JPH3: variants seen among roughly 807,000 people sequenced by gnomAD.
The protein encoded by JPH3 is junctophilin-3.
A neutral mutation model predicts 59.6 loss-of-function variants in JPH3; 11 were observed. The ratio of observed to expected loss-of-function variants is 0.18; its 90% CI spans 0.12 to 0.31. The LOEUF (loss-of-function observed/expected upper bound fraction) is 0.31, where lower values mean the gene tolerates loss of function less well. JPH3 is among the 10% of genes least tolerant of loss of function. The pLI is 1.00. For missense variants in JPH3, 1,202 were observed against 1,105.7 expected, an observed-to-expected ratio of 1.09 and a Z score of -1.24; for synonymous variants, 673 against 483.6, an observed-to-expected ratio of 1.39 and a Z score of -5.14.
Position 87,644,278 on chromosome 16 carries a change from G to T in JPH3, c.403G>T (p.Val135Phe). The T allele has an allele frequency of 6.2e-7, 1 of 1,610,218 alleles. No homozygotes were observed. Among genetic ancestry groups the T allele is most frequent in the Non-Finnish European group, 8.5e-7 (1 of 1,178,560 alleles). The change falls in exon 2 of 5, where the codon GTC becomes TTC. Residue 135 changes from valine (V) to phenylalanine (F), a missense_variant. Val to Phe is a conservative substitution (Grantham distance 50, BLOSUM62 -1). Coordinates refer to ENST00000284262, the MANE Select transcript of JPH3 (RefSeq NM_020655.4). ...SDGGTYQGQW[V>F]GGMRQGYGVR... ...CCCAGGGACCTACCAGGGCCAGTGG[G>T]TCGGTGGCATGCGCCAGGGCTACGG...
chr16:87,647,745 G>A (rs974321203), intron 2 of JPH3, among the ~76,000 whole-genome samples: 5 of 152,196 alleles, frequency 3.3e-5, no homozygotes, highest in Non-Finnish European at 5.9e-5. Flanking sequence ...CAGCCAGCAC[G>A]TCCATGCGCA....
At chr16:87,661,011 T>C (rs962012311) in intron 2 of JPH3, among the ~76,000 whole-genome samples, 4 of 152,248 alleles carry the variant, frequency 2.6e-5, no homozygotes, top group Admixed American at 2.0e-4. Context: ...AATATTTGTA[T>C]GCACATAATG....
At chr16:87,606,113 C>CGCCAGAATGGG (rs1252388794) in intron 1 of JPH3, among the ~76,000 whole-genome samples, 1 of 152,182 alleles carries the variant, frequency 6.6e-6, no homozygotes, top group Non-Finnish European at 1.5e-5. Context: ...GTGTGGGGAT[C>CGCCAGAATGGG]GCCAGAATGG....
At position 87,644,390 on chromosome 16, in the gene JPH3, C is replaced by G. The variant is rs746009338; in HGVS notation, c.515C>G (p.Thr172Ser). ...TSINSLRSEH[T>S]NGTALHPDAS... is the part of the protein sequence containing the mutation. ...ATCAACTCCCTGCGCAGCGAGCACA[C>G]CAACGGCACGGCGCTGCATCCCGAC... Residue 172 changes from threonine (T) to serine (S), a missense_variant, in exon 2 of 5, where the codon ACC becomes AGC. Coordinates refer to ENST00000284262, the MANE Select transcript of JPH3 (RefSeq NM_020655.4). 2.5e-6 allele frequency: 4 copies of G among 1,612,784 alleles called. No individual in the cohort carries two copies. The highest frequency in any genetic ancestry group is 3.4e-6 in the Non-Finnish European group (4 of 1,179,832).
At chr16:87,687,046 CG>C (rs2033436249) in intron 3 of JPH3, among the ~76,000 whole-genome samples, 1 of 152,192 alleles carries the variant, frequency 6.6e-6, no homozygotes, top group African/African-American at 2.4e-5. Flanking sequence ...GCGTTGGGAC[CG>C]TGTGTTTTTT....
At position 87,616,190 on chromosome 16, in the gene JPH3, TTGTGTGTGTGTGTGTG is replaced by T. The variant is rs56053716; in HGVS notation, c.382+12694_382+12709del. Among the ~76,000 whole-genome samples the T allele has an allele frequency of 2.2e-4, 25 of 116,018 alleles. 1 individual carries two copies. Among genetic ancestry groups the T allele is most frequent in the South Asian group, 3.1e-4 (1 of 3,248 alleles). 76.1% of individuals were successfully genotyped at this position (116,018 alleles called of 152,430 possible). ...AGCAGAACAGCAACGCAATCTGGTT[TTGTGTGTGTGTGTGTG>T]TGTGTGTGTGTGTGTGTGTGTGTGT... is the stretch of plus-strand genomic sequence containing the variant. On this transcript the variant is annotated intron_variant, in intron 1 of 4. Coordinates refer to ENST00000284262, the MANE Select transcript of JPH3 (RefSeq NM_020655.4).
At position 87,611,313 on chromosome 16, in the gene JPH3, C is replaced by A. The variant is rs2030724457; in HGVS notation, c.382+7785C>A. ...AGGGGCAGGGCAGGTGTGTGTGTCCCTGAAGGAGCGGCAGAGGCTTCTGGG... is the reference window on the plus strand; with the variant it reads ...AGGGGCAGGGCAGGTGTGTGTGTCCATGAAGGAGCGGCAGAGGCTTCTGGG... On this transcript the variant is annotated intron_variant, in intron 1 of 4. Coordinates refer to ENST00000284262, the MANE Select transcript of JPH3 (RefSeq NM_020655.4). The surrounding 1 kb of genome is among the most constrained non-coding windows in gnomAD (Gnocchi z 4.5). Among the ~76,000 whole-genome samples, 2 of 152,134 alleles carry A rather than the reference C, an allele frequency of 1.3e-5. No individual in the cohort carries two copies. The highest frequency in any genetic ancestry group is 4.2e-4 in the South Asian group (2 of 4,816).
intron 2 of JPH3, among the ~76,000 whole-genome samples, chr16:87,650,179 C>T (rs1177841378): frequency 2.0e-5 from 3 of 152,202 alleles, no homozygotes; most frequent in Non-Finnish European, 4.4e-5. Context: ...ATCGTGTGTC[C>T]GTGCCACACT....
At chr16:87,628,957 T>G (rs1239090405) in intron 1 of JPH3, among the ~76,000 whole-genome samples, 1 of 152,086 alleles carries the variant, frequency 6.6e-6, no homozygotes, top group Non-Finnish European at 1.5e-5. Context: ...GGTCCACAAA[T>G]CAGCCAGAGT....
chr16:87,666,418 G>T (rs1027933052), intron 2 of JPH3, among the ~76,000 whole-genome samples: 2 of 149,072 alleles, frequency 1.3e-5, no homozygotes, highest in Non-Finnish European at 3.0e-5. Context: ...TGGCAACAGG[G>T]TCTTGCTCTT....
chr16:87,611,620 G>T lies in JPH3; in HGVS notation c.382+8092G>T, dbSNP rs1315439240. ...CTGCTGCTGGTGGAGTCTGAGTTGG[G>T]CAGGACATGGGCCCGCCTCTGTCTG... On this transcript the variant is annotated intron_variant, in intron 1 of 4. Transcript: ENST00000284262. The surrounding 1 kb of genome is among the most constrained non-coding windows in gnomAD (Gnocchi z 4.5). Among the ~76,000 whole-genome samples the T allele has an allele frequency of 2.0e-5, 3 of 152,092 alleles. No homozygotes were observed. Among genetic ancestry groups the T allele is most frequent in the Admixed American group, 1.3e-4 (2 of 15,288 alleles).
intron 1 of JPH3, among the ~76,000 whole-genome samples, chr16:87,619,087 CAA>C (rs59368116): frequency 3.6e-3 from 507 of 140,428 alleles, no homozygotes; most frequent in East Asian, 5.2e-3. Flanking sequence ...GACTCTGTCT[CAA>C]AAAAAAAAAA....
chr16:87,637,083 G>A (rs990402125), intron 1 of JPH3, among the ~76,000 whole-genome samples: 2 of 152,216 alleles, frequency 1.3e-5, no homozygotes, highest in African/African-American at 4.8e-5. Context: ...AAAGCCCCTA[G>A]GATTTGACCA....
At chr16:87,666,388 C>CT (rs898940159) in intron 2 of JPH3, among the ~76,000 whole-genome samples, 9 of 128,970 alleles carry the variant, frequency 7.0e-5, no homozygotes, top group East Asian at 5.9e-4. Flanking sequence ...CGCGCCTGGC[C>CT]TATTTTTTTT....
At chr16:87,647,636 C>T (rs993866034) in intron 2 of JPH3, among the ~76,000 whole-genome samples, 3 of 152,198 alleles carry the variant, frequency 2.0e-5, no homozygotes, top group South Asian at 2.1e-4. Flanking sequence ...GGTCTTGGAT[C>T]GTAGCTCCTT....
intron 2 of JPH3, among the ~76,000 whole-genome samples, chr16:87,658,458 C>G (rs1032056787): frequency 6.6e-6 from 1 of 151,482 alleles, no homozygotes; most frequent in African/African-American, 2.4e-5. Flanking sequence ...CTCTCTGTCT[C>G]TCTGTCCTAT....
chr16:87,661,900 C>T lies in JPH3; in HGVS notation c.1160+16865C>T, dbSNP rs1364573211. Among the ~76,000 whole-genome samples the T allele has an allele frequency of 3.9e-5, 6 of 152,356 alleles. No homozygotes were observed. The East Asian group carries it at 9.7e-4, about 25-fold the overall frequency. ...GCCTGGGGTATTTCATTGCCTCACA[C>T]TCACGTCCCATCTGCTGAGGGGCAC... On this transcript the variant is annotated intron_variant, in intron 2 of 4. Coordinates refer to ENST00000284262, the MANE Select transcript of JPH3 (RefSeq NM_020655.4).
At chr16:87,666,432 C>T (rs2032864404) in intron 2 of JPH3, among the ~76,000 whole-genome samples, 1 of 151,264 alleles carries the variant, frequency 6.6e-6, no homozygotes, top group South Asian at 2.1e-4. Flanking sequence ...TGCTCTTTTG[C>T]CCAGGCTGGA....
chr16:87,695,571 C>CA, intron 4 of JPH3: 1 of 455,448 alleles, frequency 2.2e-6, no homozygotes, highest in Non-Finnish European at 4.4e-6. Flanking sequence ...CCTCTGGAAG[C>CA]AGACTGTGGG....
Sources: allele counts gnomAD v4.1 joint callset (sites outside exome capture counted in the v4.1 genomes callset), GRCh38; gene constraint gnomAD v4.1.1; non-coding constraint Gnocchi (gnomAD v3.1); transcripts MANE v1.5; gene names NCBI Gene and HGNC (gene_info 2026-07-23, HGNC 2026-07-21).